PDE7A: variants seen among roughly 807,000 people sequenced by gnomAD.
PDE7A encodes the protein phosphodiesterase 7A, also known as high affinity 3',5'-cyclic-AMP phosphodiesterase 7A.
In PDE7A, 39 loss-of-function variants were observed where a neutral mutation model predicts 64.3. The ratio of observed to expected loss-of-function variants is 0.61; its 90% CI spans 0.47 to 0.79. The LOEUF (loss-of-function observed/expected upper bound fraction) is 0.79, where lower values mean the gene tolerates loss of function less well. Among genes scored for constraint, PDE7A ranks in the 30% least tolerant of loss-of-function variants. The probability of loss-of-function intolerance (pLI) is 0.00; values close to 1 mark genes in which losing one functional copy is unlikely to be tolerated. For missense variants in PDE7A, 470 were observed against 582.8 expected, an observed-to-expected ratio of 0.81 and a Z score of 1.99; for synonymous variants, 203 against 206.8, an observed-to-expected ratio of 0.98 and a Z score of 0.16.
rs1428803788 is a variant in PDE7A at position 65,727,298 on chromosome 8, C to T, written c.700G>A (p.Ala234Thr). The T allele has an allele frequency of 6.2e-7, 1 of 1,612,100 alleles. No homozygotes were observed. Among genetic ancestry groups the T allele is most frequent in the Non-Finnish European group, 8.5e-7 (1 of 1,178,340 alleles). ...ATATCCCAAGGAGTTACAGAATTGG[C>T]AAGCTGAAGTGTGACAAAAGAATAA... ...MHCYLKEPKL[A>T]NSVTPWDILL... Residue 234 changes from alanine to threonine, a missense_variant, in exon 8 of 13, where the codon GCC (alanine) becomes ACC (threonine). Ala to Thr is a moderately conservative substitution (Grantham distance 58, BLOSUM62 0). Coordinates refer to ENST00000401827, the MANE Select transcript of PDE7A (RefSeq NM_001242318.3).
chr8:65,738,750 C>G (rs181295379), intron 6 of PDE7A, among the ~76,000 whole-genome samples: 21 of 152,232 alleles, frequency 1.4e-4, no homozygotes, highest in Admixed American at 1.3e-3. Flanking sequence ...ATCTTTAAAG[C>G]CTACCGTCAA....
At chr8:65,768,170 AAC>A (rs1808891305) in intron 3 of PDE7A, among the ~76,000 whole-genome samples, 2 of 152,198 alleles carry the variant, frequency 1.3e-5, no homozygotes, top group South Asian at 2.1e-4. Context: ...GCAGAGGGAA[AAC>A]ACAGTTTGAG....
chr8:65,777,984 CT>C (rs1364597586), intron 3 of PDE7A, among the ~76,000 whole-genome samples: 1 of 152,200 alleles, frequency 6.6e-6, no homozygotes, highest in African/African-American at 2.4e-5. Flanking sequence ...TCTTTAAAGA[CT>C]GCTCCTGCTA....
In PDE7A at chr8:65,720,483, T is replaced by A. The variant is rs192359051; in HGVS notation, c.1244-988A>T. On this transcript the variant is annotated intron_variant, in intron 12 of 12. Transcript: ENST00000401827. ...TCCAACATAAGAATCTCACCAGAAT[T>A]AAAGCAACCAGCATCCACTACTTTT... 5.8e-5 allele frequency: 9 copies of A among 154,284 alleles called. No homozygotes were observed. The East Asian group carries it at 1.7e-3, about 30-fold the overall frequency. 9.6% of individuals were successfully genotyped at this position (154,284 alleles called of 1,614,324 possible).
rs1164618965 is a variant in PDE7A, at chr8:65,771,900, AAAAAAAAG to A, written c.283+7812_283+7819del. On this transcript the variant is annotated intron_variant, in intron 3 of 12. Coordinates refer to ENST00000401827, the MANE Select transcript of PDE7A (RefSeq NM_001242318.3). The stretch of plus-strand genomic sequence containing the variant: ...TCCATCTCTCAAAAAAAAAAAAAAA[AAAAAAAAG>A]AAGAAGAAGAAAGAAGGAAATATCC... Among the ~76,000 whole-genome samples, 4 of 151,302 alleles carry A rather than the reference AAAAAAAAG, an allele frequency of 2.6e-5. No individual in the cohort carries two copies. In the East Asian group the frequency reaches 7.7e-4, roughly 29 times the overall value.
chr8:65,829,816 A>G (rs1810766670), intron 1 of PDE7A, among the ~76,000 whole-genome samples: 1 of 152,134 alleles, frequency 6.6e-6, no homozygotes, highest in Admixed American at 6.6e-5. Flanking sequence ...ATGACAGATG[A>G]ATAAGGTATT....
At chr8:65,791,667 G>A (rs1287436697) in intron 1 of PDE7A, among the ~76,000 whole-genome samples, 2 of 152,110 alleles carry the variant, frequency 1.3e-5, no homozygotes, top group Non-Finnish European at 2.9e-5. Context: ...GTCTGACACG[G>A]TAATACAGAG....
rs529779155 is a variant in PDE7A, at chr8:65,804,047, A to C, written c.139-21204T>G. On this transcript the variant is annotated intron_variant, in intron 1 of 12. Coordinates refer to ENST00000401827, the MANE Select transcript of PDE7A (RefSeq NM_001242318.3). ...TGATATAATTCAAACTAATATGGTA[A>C]GAAAAATCTATATGACAAAGGTTTA... Among the ~76,000 whole-genome samples, 3 of 152,358 alleles carry C rather than the reference A, an allele frequency of 2.0e-5. No homozygotes were observed. In the South Asian group the frequency reaches 6.2e-4, roughly 32 times the overall value.
At chr8:65,792,183 G>A (rs1431592794) in intron 1 of PDE7A, among the ~76,000 whole-genome samples, 1 of 152,004 alleles carries the variant, frequency 6.6e-6, no homozygotes, top group Non-Finnish European at 1.5e-5. Context: ...GTGAAACATG[G>A]CAAAGTAATA....
intron 3 of PDE7A, among the ~76,000 whole-genome samples, chr8:65,774,940 A>T (rs905522663): frequency 1.3e-5 from 2 of 152,226 alleles, no homozygotes; most frequent in African/African-American, 4.8e-5. Flanking sequence ...ATAACATCTT[A>T]GTATTACGAT....
chr8:65,732,672 C>A (rs1806949732), intron 7 of PDE7A, among the ~76,000 whole-genome samples: 1 of 152,208 alleles, frequency 6.6e-6, no homozygotes, highest in Admixed American at 6.5e-5. Flanking sequence ...CACCACCATG[C>A]CCATCTAACT....
At chr8:65,798,535 A>G (rs1490190446) in intron 1 of PDE7A, among the ~76,000 whole-genome samples, 3 of 152,124 alleles carry the variant, frequency 2.0e-5, no homozygotes, top group African/African-American at 7.2e-5. Flanking sequence ...TCATAACTTA[A>G]TAAGACAACC....
chr8:65,753,539 A>G (rs1022592730), intron 3 of PDE7A, among the ~76,000 whole-genome samples: 2 of 152,212 alleles, frequency 1.3e-5, no homozygotes, highest in Non-Finnish European at 2.9e-5. Context: ...GCTTTAAAAA[A>G]GAAAAATTAA....
In PDE7A at chr8:65,715,311, G is replaced by A. The variant is rs1806088256; in HGVS notation, c.*3979C>T. On this transcript the variant is annotated 3_prime_UTR_variant, in exon 13 of 13. Coordinates refer to ENST00000401827, the MANE Select transcript of PDE7A (RefSeq NM_001242318.3). ...AGCACTTTGAGAGGCCACGGTGGCAGGACTGCTTGAGCCCAAGAGTTCAAG... is the reference window on the plus strand; with the variant it reads ...AGCACTTTGAGAGGCCACGGTGGCAAGACTGCTTGAGCCCAAGAGTTCAAG... Among the ~76,000 whole-genome samples the A allele has an allele frequency of 1.3e-5, 2 of 151,910 alleles. No individual in the cohort carries two copies. Among genetic ancestry groups the A allele is most frequent in the South Asian group, 4.2e-4 (2 of 4,814 alleles).
At chr8:65,767,343 A>G (rs920386873) in intron 3 of PDE7A, among the ~76,000 whole-genome samples, 1 of 152,230 alleles carries the variant, frequency 6.6e-6, no homozygotes, top group African/African-American at 2.4e-5. Context: ...CTGTTGTATA[A>G]GCAACCACAG....
chr8:65,819,133 A>G (rs1306124177), intron 1 of PDE7A, among the ~76,000 whole-genome samples: 1 of 152,230 alleles, frequency 6.6e-6, no homozygotes, highest in African/African-American at 2.4e-5. Flanking sequence ...GTAAGGGCTC[A>G]TGTCTGTTAT....
rs567612628 is a variant in PDE7A at position 65,784,502 on chromosome 8, A to G, written c.139-1659T>C. Among the ~76,000 whole-genome samples the G allele has an allele frequency of 6.6e-5, 10 of 152,330 alleles. No homozygotes were observed. The East Asian group carries it at 1.9e-3, about 29-fold the overall frequency. On this transcript the variant is annotated intron_variant, in intron 1 of 12. Coordinates refer to ENST00000401827, the MANE Select transcript of PDE7A (RefSeq NM_001242318.3). The stretch of plus-strand genomic sequence containing the variant: ...ATGTTAAAAATTAAAGCATGAAAAT[A>G]TTAAAAGAAAACAGGACTGTATTTT...
chr8:65,762,355 G>A (rs1585888313), intron 3 of PDE7A, among the ~76,000 whole-genome samples: 1 of 152,306 alleles, frequency 6.6e-6, no homozygotes, highest in African/African-American at 2.4e-5. Context: ...TAGCATGCAT[G>A]AATGAATAGG....
intron 1 of PDE7A, among the ~76,000 whole-genome samples, chr8:65,798,206 A>ATATATATATATATATATTTT: frequency 5.3e-4 from 39 of 73,800 alleles, no homozygotes; most frequent in South Asian, 1.8e-3. Context: ...ATATATATAT[A>ATATATATATATATATATTTT]TTTTTTTTTT....
Sources: allele counts gnomAD v4.1 joint callset (sites outside exome capture counted in the v4.1 genomes callset), GRCh38; gene constraint gnomAD v4.1.1; transcripts MANE v1.5; gene names NCBI Gene and HGNC (gene_info 2026-07-23, HGNC 2026-07-21).